The following GLYATL2 variants were observed in gnomAD, a reference collection of about 807,000 sequenced individuals.
GLYATL2 encodes glycine N-acyltransferase-like protein 2.
In GLYATL2, 25 loss-of-function variants were observed where a neutral mutation model predicts 21.4. That is an observed-to-expected ratio of 1.17 (90% CI 0.85 to 1.63). GLYATL2 has a LOEUF of 1.63. Ranked by LOEUF, GLYATL2 falls within the 40% of genes most tolerant of loss-of-function variation. The pLI is 0.00. For synonymous variants in GLYATL2, 114 were observed against 118.2 expected (o/e 0.96, Z 0.23); for missense variants, 361 against 343.3 (o/e 1.05, Z -0.41).
chr11:58,862,214 CT>C (rs1380885584), intron 1 of GLYATL2, among the ~76,000 whole-genome samples: 3 of 152,082 alleles, frequency 2.0e-5, no homozygotes, highest in Non-Finnish European at 2.9e-5. Flanking sequence ...TTATTTGCTT[CT>C]TTTCTCCTTT....
In GLYATL2 at chr11:58,839,527, T is replaced by A. The variant is rs1853506029; in HGVS notation, c.78+8A>T. 6.3e-7 allele frequency: 1 copy of A among 1,585,532 alleles called. No individual in the cohort carries two copies. Among genetic ancestry groups the A allele is most frequent in the African/African-American group, 1.3e-5 (1 of 74,246 alleles). On this transcript the variant is annotated splice_region_variant and intron_variant, in intron 2 of 5. Coordinates refer to ENST00000287275, the MANE Select transcript of GLYATL2 (RefSeq NM_145016.4). ...TCTCTCTCCTTTGATCTCCTCCTAC[T>A]CCGTTACCTTTATGGATTCAGGGAT...
chr11:58,856,516 T>C (rs1271184988), intron 1 of GLYATL2, among the ~76,000 whole-genome samples: 1 of 152,236 alleles, frequency 6.6e-6, no homozygotes, highest in Non-Finnish European at 1.5e-5. Context: ...CTCCCTATGC[T>C]TAATCATTTT....
intron 1 of GLYATL2, among the ~76,000 whole-genome samples, chr11:58,888,906 C>A (rs531269222): frequency 6.6e-6 from 1 of 152,076 alleles, no homozygotes; most frequent in African/African-American, 2.4e-5. Flanking sequence ...CAGTTCCCCA[C>A]CAACTACCCC....
intron 1 of GLYATL2, among the ~76,000 whole-genome samples, chr11:58,900,205 T>C (rs1261623884): frequency 1.3e-5 from 2 of 151,992 alleles, no homozygotes; most frequent in African/African-American, 4.8e-5. Flanking sequence ...GATCAGTGAG[T>C]GAGGAGCAGT....
intron 1 of GLYATL2, chr11:58,885,521 A>G: frequency 2.1e-6 from 1 of 485,654 alleles, no homozygotes; most frequent in Non-Finnish European, 4.1e-6. Flanking sequence ...TCAGATAGTT[A>G]TTATCCAACC....
At chr11:58,870,843 C>T (rs1854105057) in intron 1 of GLYATL2, among the ~76,000 whole-genome samples, 1 of 152,190 alleles carries the variant, frequency 6.6e-6, no homozygotes, top group African/African-American at 2.4e-5. Context: ...AAGCTGTCCT[C>T]TTTACAAGCA....
chr11:58,837,338 A>G lies in GLYATL2; in HGVS notation c.246T>C (p.Pro82=). Residue 82 remains proline, a synonymous_variant, in exon 4 of 6, where the codon CCT becomes CCC. Coordinates refer to ENST00000287275, the MANE Select transcript of GLYATL2 (RefSeq NM_145016.4). ...ATGACAGGACTTCCTCTAATTTGTC[A>G]GGAGCTTTGGTGAAGATGTGGTAAG... ...TNTYHIFTKA[P]DKLEEVLSYS... 6.2e-7 allele frequency: 1 copy of G among 1,613,930 alleles called. No individual in the cohort carries two copies. Among genetic ancestry groups the G allele is most frequent in the Middle Eastern group, 1.7e-4 (1 of 6,060 alleles).
intron 1 of GLYATL2, among the ~76,000 whole-genome samples, chr11:58,843,142 A>T (rs12224475): frequency 2.4e-4 from 37 of 152,088 alleles, no homozygotes; most frequent in African/African-American, 8.4e-4. Flanking sequence ...AGTGAGGACT[A>T]ATTTTATATG....
intron 1 of GLYATL2, chr11:58,885,533 C>A: frequency 2.1e-6 from 1 of 468,080 alleles, no homozygotes; most frequent in Non-Finnish European, 4.3e-6. Context: ...TATCCAACCA[C>A]CAAAACAGGT....
At chr11:58,863,152 A>G (rs959667750) in intron 1 of GLYATL2, among the ~76,000 whole-genome samples, 3 of 152,216 alleles carry the variant, frequency 2.0e-5, no homozygotes, top group African/African-American at 7.2e-5. Flanking sequence ...GGATGAACAT[A>G]AAACCAATGT....
Position 58,834,335 on chromosome 11 carries a change from A to G in GLYATL2, c.*94T>C. On this transcript the variant is annotated 3_prime_UTR_variant, in exon 6 of 6. Coordinates refer to ENST00000287275, the MANE Select transcript of GLYATL2 (RefSeq NM_145016.4). ...AGTAATACACAGATCCTAGATAATC[A>G]GTTGCATTTTGTGCTAATGTAGATC... The G allele has an allele frequency of 2.1e-6, 2 of 952,728 alleles. No individual in the cohort carries two copies. Among genetic ancestry groups the G allele is most frequent in the Non-Finnish European group, 3.1e-6 (2 of 643,274 alleles). The allele number at this position is 952,728 out of a possible 1,614,324, so 59.0% of individuals were successfully genotyped here. A position where few individuals can be genotyped will look rare whatever the true frequency, so the allele number is the denominator to read the frequency against.
At chr11:58,853,110 T>G (rs1853769256) in intron 1 of GLYATL2, among the ~76,000 whole-genome samples, 1 of 152,256 alleles carries the variant, frequency 6.6e-6, no homozygotes, top group Admixed American at 6.5e-5. Context: ...TGACTTTAGA[T>G]GAATTCATCT....
intron 1 of GLYATL2, among the ~76,000 whole-genome samples, chr11:58,902,187 T>C (rs1176188097): frequency 6.6e-6 from 1 of 151,952 alleles, no homozygotes; most frequent in Non-Finnish European, 1.5e-5. Flanking sequence ...TTAGCAGGAG[T>C]GAGTGAGGTG....
chr11:58,867,038 A>G (rs1854034341), intron 1 of GLYATL2, among the ~76,000 whole-genome samples: 1 of 148,842 alleles, frequency 6.7e-6, no homozygotes, highest in South Asian at 2.1e-4. Context: ...ACATTGTGAG[A>G]GTATGCAGAG....
At chr11:58,905,399 C>A (rs1327783546), upstream of GLYATL2, 1 of 446,552 alleles carries the variant, frequency 2.2e-6, no homozygotes, top group Non-Finnish European at 4.5e-6. Flanking sequence ...CGCCTGGATG[C>A]ACGTCCCGCC....
chr11:58,884,036 C>A (rs188838549), intron 1 of GLYATL2, among the ~76,000 whole-genome samples: 27 of 152,288 alleles, frequency 1.8e-4, no homozygotes, highest in Admixed American at 3.3e-4. Context: ...GCTAAAAACT[C>A]TCAATAAACT....
At chr11:58,894,875 G>A (rs1854608345) in intron 1 of GLYATL2, among the ~76,000 whole-genome samples, 1 of 152,154 alleles carries the variant, frequency 6.6e-6, no homozygotes, top group African/African-American at 2.4e-5. Context: ...TTCAAAGGGT[G>A]GAAAATTCTT....
At chr11:58,846,134 G>GT (rs1410937337), upstream of GLYATL2, among the ~76,000 whole-genome samples, 1 of 152,104 alleles carries the variant, frequency 6.6e-6, no homozygotes, top group Non-Finnish European at 1.5e-5. Context: ...CAATACATAT[G>GT]TTTTATTCCA....
intron 1 of GLYATL2, among the ~76,000 whole-genome samples, chr11:58,839,880 A>G (rs1399432019): frequency 6.6e-6 from 1 of 152,182 alleles, no homozygotes; most frequent in Non-Finnish European, 1.5e-5. Flanking sequence ...TAAAAAGTAC[A>G]TTAACATATC....
Sources: gnomAD v4.1 joint callset for allele counts (sites outside exome capture counted in the v4.1 genomes callset) on GRCh38, gnomAD v4.1.1 for gene constraint, MANE v1.5 for transcripts, NCBI Gene and HGNC (gene_info 2026-07-23, HGNC 2026-07-21) for gene names.